Variants in ACSS3 observed in about 807,000 individuals in gnomAD.
ACSS3 encodes acyl-CoA synthetase short chain family member 3.
Under a neutral mutation model 84.2 loss-of-function variants are expected in ACSS3, and 64 were observed. The observed-to-expected ratio is 0.76, with a 90% CI of 0.62 to 0.94. ACSS3 has a LOEUF of 0.94. ACSS3 is among the 40% of genes least tolerant of loss of function. The probability of loss-of-function intolerance (pLI) is 0.00; values close to 1 mark genes in which losing one functional copy is unlikely to be tolerated. For missense variants in ACSS3, 815 were observed against 867.6 expected, an observed-to-expected ratio of 0.94 and a Z score of 0.76; for synonymous variants, 317 against 310.1, an observed-to-expected ratio of 1.02 and a Z score of -0.23.
intron 9 of ACSS3, among the ~76,000 whole-genome samples, chr12:81,204,786 A>G (rs2032273863): frequency 6.6e-6 from 1 of 152,154 alleles, no homozygotes; most frequent in Admixed American, 6.6e-5. Flanking sequence ...TACTGATGAC[A>G]TAGTTGAAAT....
rs1565749888 is a variant in ACSS3 at position 81,257,200 on chromosome 12, T to C, written c.*2278T>C. 6.6e-6 allele frequency: 1 copy of C among 152,066 alleles called. No individual in the cohort carries two copies. The highest frequency in any genetic ancestry group is 1.5e-5 in the Non-Finnish European group (1 of 68,018). 9.4% of individuals were successfully genotyped at this position (152,066 alleles called of 1,614,324 possible). A position where few individuals can be genotyped will look rare whatever the true frequency, so the allele number is the denominator to read the frequency against. ...AGACTTGGGTTATTTTCCACTAGGA[T>C]GGGAATGGAAAACAGTGCTGGAGAC... On this transcript the variant is annotated 3_prime_UTR_variant, in exon 16 of 16. Coordinates refer to ENST00000548058, the MANE Select transcript of ACSS3 (RefSeq NM_024560.4).
intron 11 of ACSS3, among the ~76,000 whole-genome samples, chr12:81,229,448 T>C (rs192287358): frequency 2.3e-4 from 35 of 152,046 alleles, no homozygotes; most frequent in South Asian, 4.1e-4. Flanking sequence ...GTATTTGTTA[T>C]AGTCATATTC....
At chr12:81,089,444 T>C (rs543755455) in intron 1 of ACSS3, among the ~76,000 whole-genome samples, 84 of 152,146 alleles carry the variant, frequency 5.5e-4, no homozygotes, top group Non-Finnish European at 9.9e-4. Flanking sequence ...GTTCTAATAA[T>C]ATCCCATTTT....
In ACSS3 at chr12:81,119,334, G is replaced by A. The variant is rs563067219; in HGVS notation, c.456+9630G>A. On this transcript the variant is annotated intron_variant, in intron 2 of 15. Transcript: ENST00000548058. ...GCAAAGGGCAAAATCAAAAACTCCT[G>A]ATAAGGGTCTAGGTTCAGCTGTGCA... 2.6e-5 allele frequency among the ~76,000 whole-genome samples: 4 copies of A among 152,244 alleles called. No homozygotes were observed. In the South Asian group the frequency reaches 6.2e-4, roughly 24 times the overall value.
chr12:81,158,634 G>C (rs1375067990), intron 7 of ACSS3, among the ~76,000 whole-genome samples: 1 of 151,974 alleles, frequency 6.6e-6, no homozygotes, highest in Non-Finnish European at 1.5e-5. Context: ...ACGTGCTCCT[G>C]TCTAATGTAC....
intron 7 of ACSS3, among the ~76,000 whole-genome samples, chr12:81,170,270 C>T (rs2029937390): frequency 6.6e-6 from 1 of 152,048 alleles, no homozygotes; most frequent in Admixed American, 6.6e-5. Flanking sequence ...GGTTTTCTGA[C>T]TGGGGCCTTG....
chr12:81,089,415 A>G (rs1043352163), intron 1 of ACSS3, among the ~76,000 whole-genome samples: 1 of 151,960 alleles, frequency 6.6e-6, no homozygotes, highest in Non-Finnish European at 1.5e-5. Flanking sequence ...TGGAAATTGC[A>G]TTGCAACTGG....
chr12:81,216,766 A>G, intron 9 of ACSS3, 135 bp from the exon 10 acceptor site: 1 of 513,382 alleles, frequency 1.9e-6, no homozygotes, highest in Non-Finnish European at 3.5e-6. Flanking sequence ...TAAATAATAT[A>G]TTTGCACTAT....
chr12:81,248,167 G>A (rs1435359555), intron 13 of ACSS3, among the ~76,000 whole-genome samples: 1 of 151,942 alleles, frequency 6.6e-6, no homozygotes, highest in Non-Finnish European at 1.5e-5. Flanking sequence ...AAAACTAAAA[G>A]TAGAACTACC....
At chr12:81,108,079 G>A (rs888383501) in intron 1 of ACSS3, among the ~76,000 whole-genome samples, 1 of 152,018 alleles carries the variant, frequency 6.6e-6, no homozygotes. Flanking sequence ...AGGATGCTGG[G>A]AAGAGGTAAT....
intron 8 of ACSS3, among the ~76,000 whole-genome samples, chr12:81,197,463 G>C (rs527553887): frequency 1.3e-5 from 2 of 152,196 alleles, no homozygotes; most frequent in East Asian, 3.9e-4. Flanking sequence ...TGAAGTTCAT[G>C]CTATCTCTTT....
intron 13 of ACSS3, among the ~76,000 whole-genome samples, chr12:81,243,822 A>T (rs2033892961): frequency 6.6e-6 from 1 of 152,180 alleles, no homozygotes; most frequent in African/African-American, 2.4e-5. Context: ...ACACATGCGC[A>T]TATACACACA....
Position 81,139,271 on chromosome 12 carries a change from C to A in ACSS3, c.780+6C>A, listed in dbSNP as rs1885963044. 5 of 1,613,228 alleles carry A rather than the reference C, an allele frequency of 3.1e-6. No individual in the cohort carries two copies. Among genetic ancestry groups the A allele is most frequent in the African/African-American group, 1.3e-5 (1 of 74,862 alleles). ...TTTATAATCGTCCAAATATGGTAAT[C>A]TGAATATTGAATTTGGTTCTTGCTT... On this transcript the variant is annotated splice_donor_region_variant and intron_variant, in intron 4 of 15. Transcript: ENST00000548058.
chr12:81,171,899 C>T (rs541016162), intron 7 of ACSS3, among the ~76,000 whole-genome samples: 2 of 152,076 alleles, frequency 1.3e-5, no homozygotes, highest in Non-Finnish European at 2.9e-5. Flanking sequence ...CAAACCTGTA[C>T]AACATGTTAT....
intron 11 of ACSS3, among the ~76,000 whole-genome samples, chr12:81,227,959 T>A (rs1449494276): frequency 6.6e-6 from 1 of 151,834 alleles, no homozygotes; most frequent in African/African-American, 2.4e-5. Context: ...TTAATAGCAA[T>A]CACCTCTGTA....
chr12:81,170,075 C>T (rs1038750035), intron 7 of ACSS3, among the ~76,000 whole-genome samples: 1 of 152,062 alleles, frequency 6.6e-6, no homozygotes, highest in African/African-American at 2.4e-5. Flanking sequence ...GTAGTCTTAA[C>T]CTCAAGACCT....
rs544480141 is a variant in ACSS3, at chr12:81,168,335, A to C, written c.1099-6453A>C. ...TTTTGAGAGGCTTTCATATACTTCG[A>C]CAATTTTTGTTTATAGACGCTTATT... is the stretch of plus-strand genomic sequence containing the variant. On this transcript the variant is annotated intron_variant, in intron 7 of 15. Coordinates refer to ENST00000548058, the MANE Select transcript of ACSS3 (RefSeq NM_024560.4). Among the ~76,000 whole-genome samples the C allele has an allele frequency of 3.9e-5, 6 of 152,304 alleles. No individual in the cohort carries two copies. In the South Asian group the frequency reaches 1.2e-3, roughly 32 times the overall value.
chr12:81,215,206 T>C (rs1231911383), intron 9 of ACSS3, among the ~76,000 whole-genome samples: 1 of 152,190 alleles, frequency 6.6e-6, no homozygotes, highest in African/African-American at 2.4e-5. Context: ...GGCTATGGAT[T>C]GCCATTTCAT....
chr12:81,199,496 C>G, intron 9 of ACSS3, 52 bp downstream of exon 9: 1 of 1,563,504 alleles, frequency 6.4e-7, no homozygotes, highest in Non-Finnish European at 8.7e-7. Flanking sequence ...TTCCAAAAAG[C>G]TGCAAGGATT....
Sources: gnomAD v4.1 joint callset for allele counts (sites outside exome capture counted in the v4.1 genomes callset) on GRCh38, gnomAD v4.1.1 for gene constraint, MANE v1.5 for transcripts, NCBI Gene and HGNC (gene_info 2026-07-23, HGNC 2026-07-21) for gene names.